Variants in PLOD1 observed in about 807,000 individuals in gnomAD.
PLOD1 encodes the protein procollagen-lysine,2-oxoglutarate 5-dioxygenase 1.
A neutral mutation model predicts 94.7 loss-of-function variants in PLOD1; 70 were observed. The ratio of observed to expected loss-of-function variants is 0.74; its 90% CI spans 0.61 to 0.90. The LOEUF is 0.90. Among genes scored for constraint, PLOD1 ranks in the 40% least tolerant of loss-of-function variants. The pLI, the probability that PLOD1 is intolerant of heterozygous loss-of-function variation, is 0.00. For missense variants in PLOD1, 905 were observed against 972.7 expected (o/e 0.93, Z 0.93); for synonymous variants, 417 against 400.2 (o/e 1.04, Z -0.50).
At chr1:11,944,671 GC>G in intron 1 of PLOD1, 1 of 1,340,338 alleles carries the variant, frequency 7.5e-7, no homozygotes, top group South Asian at 1.2e-5. Context: ...AGGTAGTGAG[GC>G]CTCTCCTTCC....
chr1:11,966,968 G>A lies in PLOD1; in HGVS notation c.1651-19G>A, dbSNP rs767350231. ...GGTGCCACTGTGGACCCCCTTGACT[G>A]AGTCCCTGCCCTCCCCAGCCCTGCC... On this transcript the variant is annotated intron_variant, in intron 15 of 18. Transcript: ENST00000196061. The A allele has an allele frequency of 2.7e-6, 4 of 1,496,202 alleles. No homozygotes were observed. The highest frequency in any genetic ancestry group is 1.7e-4 in the Middle Eastern group (1 of 5,844). The allele number at this position is 1,496,202 out of a possible 1,614,324, so 92.7% of individuals were successfully genotyped here.
At chr1:11,967,167 C>A in intron 16 of PLOD1, 76 bp downstream of exon 16, 1 of 960,176 alleles carries the variant, frequency 1.0e-6, no homozygotes. Flanking sequence ...CTGGGGTCTT[C>A]TGGCAAGCTG....
intron 10 of PLOD1, among the ~76,000 whole-genome samples, chr1:11,961,602 A>T (rs1052551093): frequency 2.6e-5 from 4 of 151,954 alleles, no homozygotes; most frequent in African/African-American, 9.7e-5. Flanking sequence ...TTTGACTTTC[A>T]TGTCATTTAT....
At chr1:11,947,265 AAAC>A (rs1645662746) in intron 1 of PLOD1, among the ~76,000 whole-genome samples, 2 of 150,404 alleles carry the variant, frequency 1.3e-5, no homozygotes, top group Admixed American at 6.6e-5. Context: ...ACAAACAAAC[AAAC>A]AAAAAAAACA....
Position 11,963,480 on chromosome 1 carries a change from C to A in PLOD1, c.1098-52C>A, listed in dbSNP as rs188970593. On this transcript the variant is annotated intron_variant, in intron 10 of 18. Transcript: ENST00000196061. This position sits in a 1 kb window ranked among gnomAD's most constrained non-coding sequence, Gnocchi z 4.3. ...GACTGTGGTCACAGATGTGAGCAGCCACCAGTAGCTCCAGGATCAGGTGCA... is the reference window on the plus strand; with the variant it reads ...GACTGTGGTCACAGATGTGAGCAGCAACCAGTAGCTCCAGGATCAGGTGCA... 1.1e-3 allele frequency: 1,343 copies of A among 1,207,694 alleles called. 5 individuals are homozygous for A. The highest frequency in any genetic ancestry group is 5.4e-4 in the Non-Finnish European group (450 of 830,670). The allele number at this position is 1,207,694 out of a possible 1,614,324, so 74.8% of individuals were successfully genotyped here. A position where few individuals can be genotyped will look rare whatever the true frequency, so the allele number is the denominator to read the frequency against.
In PLOD1 at chr1:11,972,680, A is replaced by G. The variant is rs1243465167; in HGVS notation, c.1903-192A>G. The G allele has an allele frequency of 5.1e-6, 3 of 585,440 alleles. No individual in the cohort carries two copies. Among genetic ancestry groups the G allele is most frequent in the African/African-American group, 2.0e-5 (1 of 50,498 alleles). 36.3% of individuals were successfully genotyped at this position (585,440 alleles called of 1,614,324 possible). ...TTCCCTCCCTCTCTCCCCTCTGTCC[A>G]TACATTTTTGTTGAGAACCTTTTCT... On this transcript the variant is annotated intron_variant, in intron 17 of 18. Coordinates refer to ENST00000196061, the MANE Select transcript of PLOD1 (RefSeq NM_000302.4). The surrounding 1 kb of genome is among the most constrained non-coding windows in gnomAD (Gnocchi z 4.6).
Position 11,946,758 on chromosome 1 carries a change from A to G in PLOD1, c.77-1218A>G, listed in dbSNP as rs12563760. Among the ~76,000 whole-genome samples the G allele has an allele frequency of 2.0e-3, 268 of 132,680 alleles. 2 individuals are homozygous for G. The East Asian group carries it at 0.024, about 12-fold the overall frequency. The allele number at this position is 132,680 out of a possible 152,430, so 87.0% of individuals were successfully genotyped here. ...GCACATGCTTCATGACATGTTGGTC[A>G]GTGTATTTGTCTGTTTTATGTTGCT... On this transcript the variant is annotated intron_variant, in intron 1 of 18. Transcript: ENST00000196061.
chr1:11,964,327 T>TGGTGTACCTGGGGGGGGGGGGGGGGGG, intron 12 of PLOD1, 27 bp downstream of exon 12: 1 of 546,372 alleles, frequency 1.8e-6, no homozygotes, highest in Non-Finnish European at 3.2e-6. Flanking sequence ...TGGGGGTGGG[T>TGGTGTACCTGGGGGGGGGGGGGGGGGG]GGGGGACACC....
chr1:11,937,420 A>G (rs115626995), intron 1 of PLOD1, among the ~76,000 whole-genome samples: 2,171 of 152,300 alleles, frequency 0.014, 29 homozygotes, highest in South Asian at 0.028. Flanking sequence ...GCAGGGCAGT[A>G]AGACAGCTCA....
chr1:11,950,378 G>A lies in PLOD1; in HGVS notation c.324G>A (p.Ser108=), dbSNP rs1645690683. The A allele has an allele frequency of 1.2e-6, 2 of 1,614,046 alleles. No homozygotes were observed. The highest frequency in any genetic ancestry group is 1.7e-6 in the Non-Finnish European group (2 of 1,179,966). The change falls in exon 4 of 19, where the codon TCG becomes TCA. Residue 108 remains serine (S), a synonymous_variant. Transcript: ENST00000196061. ...ACAGCTATGACGTGCTGTTTGCATC[G>A]GGGCCCCGGGAGCTCCTGAAGAAGT... The part of the protein sequence containing the change: ...FADSYDVLFA[S]GPRELLKKFR...
At chr1:11,939,361 G>C (rs929603557) in intron 1 of PLOD1, among the ~76,000 whole-genome samples, 1 of 152,146 alleles carries the variant, frequency 6.6e-6, no homozygotes, top group African/African-American at 2.4e-5. Flanking sequence ...ATGAAGGATG[G>C]GGGAGGGGAG....
In PLOD1 at chr1:11,960,530, G is replaced by A. The variant is rs138408347; in HGVS notation, c.976-116G>A. On this transcript the variant is annotated intron_variant, in intron 9 of 18. Transcript: ENST00000196061. ...TCTGGAGACAGGAAAGCAGATGGCC[G>A]GGGTGCCAGAGATGAAGGGGCACAG... is the stretch of plus-strand genomic sequence containing the variant. 4.9e-4 allele frequency: 391 copies of A among 790,074 alleles called. 5 individuals are homozygous for A. In the East Asian group the frequency reaches 5.4e-3, roughly 11 times the overall value. 48.9% of individuals were successfully genotyped at this position (790,074 alleles called of 1,614,324 possible). A position where few individuals can be genotyped will look rare whatever the true frequency, so the allele number is the denominator to read the frequency against.
At position 11,950,427 on chromosome 1, in the gene PLOD1, G is replaced by C. The variant is rs984869224; in HGVS notation, c.373G>C (p.Val125Leu). The C allele has an allele frequency of 1.2e-6, 2 of 1,614,060 alleles. No homozygotes were observed. Among genetic ancestry groups the C allele is most frequent in the African/African-American group, 1.3e-5 (1 of 74,936 alleles). Residue 125 changes from valine (V) to leucine (L), a missense_variant, in exon 4 of 19, where the codon GTC becomes CTC. Physicochemically the swap from Val to Leu is conservative, Grantham distance 32. Transcript: ENST00000196061. Reference protein sequence around the residue: ...KKFRQARSQVVFSAEELIYPD... With the variant: ...KKFRQARSQVLFSAEELIYPD... ...GTTCCGGCAGGCCAGGAGCCAGGTG[G>C]TCTTCTCTGCTGAGGAGCTCATCTA...
rs377246696 is a variant in PLOD1, at chr1:11,944,093, C to T, written c.77-3883C>T. The stretch of plus-strand genomic sequence containing the variant: ...CTAAAAATACAAAAAATTAGCTGGG[C>T]GTGGTGGCCGGCACCTGTAATCCCA... On this transcript the variant is annotated intron_variant, in intron 1 of 18. Transcript: ENST00000196061. Among the ~76,000 whole-genome samples the T allele has an allele frequency of 2.5e-4, 38 of 152,076 alleles. 3 individuals carry two copies. In the East Asian group the frequency reaches 6.2e-3, roughly 25 times the overall value.
Position 11,972,940 on chromosome 1 carries a change from T to A in PLOD1, c.1971T>A (p.His657Gln). 6.2e-7 allele frequency: 1 copy of A among 1,614,124 alleles called. No homozygotes were observed. Among genetic ancestry groups the A allele is most frequent in the Non-Finnish European group, 8.5e-7 (1 of 1,180,004 alleles). ...PDEQPSLMPH[H>Q]DASTFTINIA... ...AGCAGCCCTCACTGATGCCACACCA[T>A]GATGCCTCCACCTTCACCATCAACA... is the stretch of plus-strand genomic sequence containing the variant. The change falls in exon 18 of 19, where the codon CAT becomes CAA. Residue 657 changes from histidine (H) to glutamine (Q), a missense_variant. His to Gln is a conservative substitution (Grantham distance 24, BLOSUM62 0). Transcript: ENST00000196061. This position sits in a 1 kb window ranked among gnomAD's most constrained non-coding sequence, Gnocchi z 4.6.
rs562333854 is a variant in PLOD1, at chr1:11,958,388, C to G, written c.844-128C>G. ...ACCCCCTGACTGGAGTTCCCCGGCC[C>G]GGGCACCTTTCTTGGGAAGTCTACA... On this transcript the variant is annotated intron_variant, in intron 8 of 18. Transcript: ENST00000196061. The surrounding 1 kb of genome is among the most constrained non-coding windows in gnomAD (Gnocchi z 4.3). The G allele has an allele frequency of 6.4e-4, 702 of 1,099,728 alleles. 3 individuals carry two copies. The highest frequency in any genetic ancestry group is 1.5e-3 in the South Asian group (111 of 75,070). 68.1% of individuals were successfully genotyped at this position (1,099,728 alleles called of 1,614,324 possible). A position where few individuals can be genotyped will look rare whatever the true frequency, so the allele number is the denominator to read the frequency against.
intron 1 of PLOD1, among the ~76,000 whole-genome samples, chr1:11,936,742 CA>C (rs1200643031): frequency 6.6e-6 from 1 of 152,064 alleles, no homozygotes; most frequent in African/African-American, 2.4e-5. Context: ...AGGCTGGTTT[CA>C]AACTCCTGAC....
chr1:11,938,291 G>A (rs897439556), intron 1 of PLOD1, among the ~76,000 whole-genome samples: 3 of 152,266 alleles, frequency 2.0e-5, no homozygotes, highest in Admixed American at 2.0e-4. Flanking sequence ...ACTCCATTTT[G>A]GAGATGGGAA....
chr1:11,956,332 C>T (rs986039625), intron 6 of PLOD1, among the ~76,000 whole-genome samples: 7 of 152,012 alleles, frequency 4.6e-5, no homozygotes, highest in East Asian at 3.9e-4. Flanking sequence ...TGCAGTGAGC[C>T]GAGATCATGC....
Sources: gnomAD v4.1 joint callset for allele counts (sites outside exome capture counted in the v4.1 genomes callset) on GRCh38, gnomAD v4.1.1 for gene constraint, Gnocchi (gnomAD v3.1) non-coding constraint, MANE v1.5 for transcripts, NCBI Gene and HGNC (gene_info 2026-07-23, HGNC 2026-07-21) for gene names.